STK3: variants seen among roughly 807,000 people sequenced by gnomAD.
STK3 encodes serine/threonine-protein kinase 3.
In STK3, 41 loss-of-function variants were observed where a neutral mutation model predicts 58.0. The observed-to-expected ratio is 0.71, with a 90% confidence interval of 0.55 to 0.92. The LOEUF (loss-of-function observed/expected upper bound fraction) is 0.92, where lower values mean the gene tolerates loss of function less well. Among genes scored for constraint, STK3 ranks in the 40% least tolerant of loss-of-function variants. STK3 has a pLI of 0.00. For synonymous variants in STK3, 170 were observed against 191.0 expected, an observed-to-expected ratio of 0.89 and a Z score of 0.91; for missense variants, 479 against 602.7, an observed-to-expected ratio of 0.79 and a Z score of 2.15.
intron 3 of STK3, among the ~76,000 whole-genome samples, chr8:98,865,795 C>T (rs185226738): frequency 1.3e-5 from 2 of 152,360 alleles, no homozygotes; most frequent in East Asian, 1.9e-4. Flanking sequence ...GTCTATATTA[C>T]GTTGCAACAC....
the STK3 span, among the ~76,000 whole-genome samples, chr8:98,361,543 C>A: frequency 6.6e-6 from 1 of 152,112 alleles, no homozygotes; most frequent in Non-Finnish European, 1.5e-5. Context: ...TAGTGCCTGA[C>A]ACCTCTGAGC....
At position 98,775,929 on chromosome 8, in the gene STK3, G is replaced by A. The variant is rs532566270; in HGVS notation, c.27-1110C>T. Among the ~76,000 whole-genome samples the A allele has an allele frequency of 2.0e-5, 3 of 152,318 alleles. No individual in the cohort carries two copies. In the South Asian group the frequency reaches 6.2e-4, roughly 32 times the overall value. ...TGAACTGAAAATTGAAGGGAACTAT[G>A]AATATTCAACAGGCTGATTGCAGAA... is the stretch of plus-strand genomic sequence containing the variant. On this transcript the variant is annotated intron_variant, in intron 1 of 10. Transcript: ENST00000419617.
At chr8:98,465,871 C>G (rs1019192643) in intron 10 of STK3, among the ~76,000 whole-genome samples, 1 of 152,150 alleles carries the variant, frequency 6.6e-6, no homozygotes, top group Non-Finnish European at 1.5e-5. Flanking sequence ...AGCTGAGCAC[C>G]CATTTCTTAT....
At chr8:98,555,018 A>G (rs1321398783) in intron 8 of STK3, among the ~76,000 whole-genome samples, 1 of 152,162 alleles carries the variant, frequency 6.6e-6, no homozygotes, top group East Asian at 1.9e-4. Context: ...AAAGCAGCCA[A>G]TTCCAGTAAG....
intron 9 of STK3, among the ~76,000 whole-genome samples, chr8:98,529,615 C>T (rs1826009518): frequency 1.3e-5 from 2 of 152,154 alleles, no homozygotes; most frequent in South Asian, 4.1e-4. Context: ...GAAGAGATAA[C>T]TGTAACCCCA....
chr8:98,913,842 G>A (rs1839240977), intron 1 of STK3, among the ~76,000 whole-genome samples: 1 of 152,224 alleles, frequency 6.6e-6, no homozygotes, highest in African/African-American at 2.4e-5. Flanking sequence ...TGAGATACCT[G>A]GGGTCTGTCT....
intron 7 of STK3, among the ~76,000 whole-genome samples, chr8:98,593,420 T>G (rs183853287): frequency 1.3e-5 from 2 of 152,178 alleles, no homozygotes; most frequent in Non-Finnish European, 2.9e-5. Context: ...GGTAATCAGA[T>G]TGTCCACTGA....
rs530004742 is a variant in STK3 at position 98,654,056 on chromosome 8, T to C, written c.684+52411A>G. ...AAAAGAGAATTTTAGACCAATATCC[T>C]TGATGAACATTGATGCAAAAATCCT... On this transcript the variant is annotated intron_variant, in intron 6 of 10. Transcript: ENST00000419617. Among the ~76,000 whole-genome samples the C allele has an allele frequency of 4.1e-3, 622 of 152,262 alleles. 7 individuals are homozygous for C. Among genetic ancestry groups the C allele is most frequent in the Non-Finnish European group, 2.0e-3 (137 of 68,010 alleles).
rs186907270 is a variant in STK3 at position 98,866,818 on chromosome 8, G to A, written c.110+16829C>T. Among the ~76,000 whole-genome samples the A allele has an allele frequency of 3.6e-3, 547 of 152,300 alleles. 3 individuals are homozygous for A. Among genetic ancestry groups the A allele is most frequent in the Non-Finnish European group, 5.4e-3 (370 of 68,016 alleles). On this transcript the variant is annotated intron_variant, in intron 3 of 12. Transcript: ENST00000523601. ...TCCTACCGGTAGCTGGTCCTTCAGAGGTGTCCTAAGTGGAAGGGAGTGGGC... is the reference window on the plus strand; with the variant it reads ...TCCTACCGGTAGCTGGTCCTTCAGAAGTGTCCTAAGTGGAAGGGAGTGGGC...
Position 98,681,144 on chromosome 8 carries a change from G to A in STK3, c.684+25323C>T, listed in dbSNP as rs147836093. 7.4e-3 allele frequency among the ~76,000 whole-genome samples: 1,132 copies of A among 152,056 alleles called. 7 individuals are homozygous for A. Among genetic ancestry groups the A allele is most frequent in the Non-Finnish European group, 0.011 (714 of 67,964 alleles). ...CTCCCAAGTAGCTGGGACTACAGGCGCGTGCCACCACACACGGCTAATTTT... is the reference window on the plus strand; with the variant it reads ...CTCCCAAGTAGCTGGGACTACAGGCACGTGCCACCACACACGGCTAATTTT... On this transcript the variant is annotated intron_variant, in intron 6 of 10. Transcript: ENST00000419617.
chr8:98,691,984 A>G (rs141076715), intron 6 of STK3, among the ~76,000 whole-genome samples: 19 of 152,202 alleles, frequency 1.2e-4, no homozygotes, highest in African/African-American at 4.3e-4. Context: ...CCCAAAAGAT[A>G]TACATAATGG....
intron 6 of STK3, among the ~76,000 whole-genome samples, chr8:98,700,311 C>T (rs1825451537): frequency 6.6e-6 from 1 of 152,240 alleles, no homozygotes; most frequent in African/African-American, 2.4e-5. Context: ...TGACCCTTTG[C>T]ACTTCCCGAG....
chr8:98,809,804 ACACAAATATC>A (rs1254446283), intron 1 of STK3, among the ~76,000 whole-genome samples: 15 of 152,202 alleles, frequency 9.9e-5, no homozygotes, highest in Admixed American at 3.3e-4. Flanking sequence ...GAATATAGGC[ACACAAATATC>A]TTGAGACCCT....
intron 1 of STK3, among the ~76,000 whole-genome samples, chr8:98,819,132 T>A (rs1834735290): frequency 6.6e-6 from 1 of 152,042 alleles, no homozygotes; most frequent in African/African-American, 2.4e-5. Flanking sequence ...CCAATGAACG[T>A]TTTTGAGACA....
chr8:98,494,365 G>T (rs1452555110), intron 10 of STK3, among the ~76,000 whole-genome samples: 1 of 152,082 alleles, frequency 6.6e-6, no homozygotes. Flanking sequence ...TTTTCTCTCA[G>T]GTGAACTTTG....
intron 10 of STK3, among the ~76,000 whole-genome samples, chr8:98,488,555 G>A (rs1469048598): frequency 7.2e-5 from 11 of 152,156 alleles, no homozygotes; most frequent in Admixed American, 7.2e-4. Flanking sequence ...CTAATGTTTA[G>A]TAGTCACAAC....
At chr8:98,424,670 C>G (rs1408776673) in intron 3 of STK3, among the ~76,000 whole-genome samples, 1 of 152,178 alleles carries the variant, frequency 6.6e-6, no homozygotes, top group Non-Finnish European at 1.5e-5. Context: ...CAGACAGGAA[C>G]AGAAGGAGGC....
At chr8:98,471,209 T>C (rs1448960243) in intron 10 of STK3, among the ~76,000 whole-genome samples, 2 of 152,056 alleles carry the variant, frequency 1.3e-5, no homozygotes, top group Non-Finnish European at 2.9e-5. Context: ...ATATGAATAG[T>C]GGCATCCACT....
intron 1 of STK3, among the ~76,000 whole-genome samples, chr8:98,888,089 T>A (rs1838057937): frequency 6.6e-6 from 1 of 152,008 alleles, no homozygotes. Flanking sequence ...GAGGCTAAGG[T>A]GAGTGAATCA....
Sources: gnomAD v4.1 joint callset for allele counts (sites outside exome capture counted in the v4.1 genomes callset) on GRCh38, gnomAD v4.1.1 for gene constraint, MANE v1.5 for transcripts, NCBI Gene and HGNC (gene_info 2026-07-23, HGNC 2026-07-21) for gene names.